The following NXPE2 variants were observed in gnomAD, a reference collection of about 807,000 sequenced individuals.
The protein encoded by NXPE2 is neurexophilin and PC-esterase domain family member 2, also known as NXPE family member 2.
Under a neutral mutation model 34.4 loss-of-function variants are expected in NXPE2, and 34 were observed. That is an observed-to-expected ratio of 0.99 (90% confidence interval 0.75 to 1.31). The LOEUF (loss-of-function observed/expected upper bound fraction) is 1.31. Ranked by LOEUF, NXPE2 falls within the 40% of genes most tolerant of loss-of-function variation. The probability of loss-of-function intolerance (pLI) is 0.00; values close to 1 mark genes in which losing one functional copy is unlikely to be tolerated. For synonymous variants in NXPE2, 235 were observed against 231.3 expected (o/e 1.02, Z -0.15); for missense variants, 649 against 672.5 (o/e 0.97, Z 0.39).
At chr11:114,468,564 A>AG in the NXPE2 span, among the ~76,000 whole-genome samples, 1 of 152,154 alleles carries the variant, frequency 6.6e-6, no homozygotes, top group Non-Finnish European at 1.5e-5. Flanking sequence ...TTTGCCCCCC[A>AG]GGGGACATTT....
chr11:114,583,120 T>A, the NXPE2 span: 1 of 1,268,580 alleles, frequency 7.9e-7, no homozygotes, highest in Non-Finnish European at 1.1e-6. Context: ...AACATGTTCC[T>A]AGTCATTTTT....
At chr11:114,613,942 T>C in the NXPE2 span, among the ~76,000 whole-genome samples, 1 of 148,824 alleles carries the variant, frequency 6.7e-6, no homozygotes, top group Non-Finnish European at 1.5e-5. Context: ...GTATTGCCTC[T>C]AGGGTAATCA....
the NXPE2 span, among the ~76,000 whole-genome samples, chr11:114,614,835 G>C: frequency 6.6e-6 from 1 of 151,954 alleles, no homozygotes; most frequent in Admixed American, 6.6e-5. Context: ...TTATCTGGTG[G>C]ATAACAAGTG....
At chr11:114,811,675 G>T in the NXPE2 span, among the ~76,000 whole-genome samples, 1 of 152,162 alleles carries the variant, frequency 6.6e-6, no homozygotes, top group African/African-American at 2.4e-5. Context: ...ACACTCAAGG[G>T]TGCTGAGAGG....
the NXPE2 span, among the ~76,000 whole-genome samples, chr11:114,786,917 C>T: frequency 6.6e-6 from 1 of 152,148 alleles, no homozygotes; most frequent in South Asian, 2.1e-4. Flanking sequence ...ACCCACATTG[C>T]ACTCTGGTCC....
At chr11:114,473,617 G>A in the NXPE2 span, among the ~76,000 whole-genome samples, 2 of 152,172 alleles carry the variant, frequency 1.3e-5, no homozygotes, top group African/African-American at 4.8e-5. Context: ...ACAAAGCTAT[G>A]TTTTGTATTA....
At chr11:114,796,564 T>TAATAG in the NXPE2 span, among the ~76,000 whole-genome samples, 1 of 152,302 alleles carries the variant, frequency 6.6e-6, no homozygotes, top group South Asian at 2.1e-4. Context: ...CAATATGTAA[T>TAATAG]AATAGTAAAC....
chr11:114,557,146 A>G, the NXPE2 span, among the ~76,000 whole-genome samples: 5 of 152,198 alleles, frequency 3.3e-5, no homozygotes, highest in East Asian at 9.7e-4. Flanking sequence ...TGCGTGCCTC[A>G]GCCTCCCAAA....
chr11:114,538,345 G>A, the NXPE2 span, among the ~76,000 whole-genome samples: 1 of 152,068 alleles, frequency 6.6e-6, no homozygotes, highest in South Asian at 2.1e-4. Context: ...AACCTAGGCA[G>A]TACCATTCAG....
At chr11:114,653,473 G>A in the NXPE2 span, among the ~76,000 whole-genome samples, 5 of 151,248 alleles carry the variant, frequency 3.3e-5, no homozygotes, top group African/African-American at 1.2e-4. Context: ...TAACCCTTGG[G>A]TGCTTGTACT....
the NXPE2 span, among the ~76,000 whole-genome samples, chr11:114,654,104 G>A: frequency 6.6e-6 from 1 of 152,146 alleles, no homozygotes; most frequent in Admixed American, 6.6e-5. Flanking sequence ...AGGAGATGAA[G>A]TTGGAAAGTA....
At chr11:114,609,626 G>A in the NXPE2 span, among the ~76,000 whole-genome samples, 7 of 150,992 alleles carry the variant, frequency 4.6e-5, no homozygotes, top group Non-Finnish European at 4.4e-5. Flanking sequence ...ATGCTTACCC[G>A]ATGGATAATA....
chr11:114,631,103 G>T, the NXPE2 span, among the ~76,000 whole-genome samples: 1 of 151,938 alleles, frequency 6.6e-6, no homozygotes, highest in Non-Finnish European at 1.5e-5. Context: ...AATCATTGTG[G>T]AAGTCAGTGT....
chr11:114,645,701 G>A, the NXPE2 span, among the ~76,000 whole-genome samples: 1 of 151,866 alleles, frequency 6.6e-6, no homozygotes, highest in African/African-American at 2.4e-5. Flanking sequence ...GAAAAATGAA[G>A]AAAAGACATG....
At chr11:114,665,208 A>G in the NXPE2 span, among the ~76,000 whole-genome samples, 1 of 152,172 alleles carries the variant, frequency 6.6e-6, no homozygotes, top group Non-Finnish European at 1.5e-5. Context: ...AGTAATATCT[A>G]TTTAAGATAA....
the NXPE2 span, among the ~76,000 whole-genome samples, chr11:114,645,141 A>C: frequency 6.6e-6 from 1 of 151,990 alleles, no homozygotes; most frequent in Non-Finnish European, 1.5e-5. Context: ...ATCTTTACTA[A>C]AAATACAAAA....
the NXPE2 span, among the ~76,000 whole-genome samples, chr11:114,631,607 GGC>G: frequency 6.6e-6 from 1 of 151,844 alleles, no homozygotes; most frequent in African/African-American, 2.4e-5. Context: ...GCACCAGCAT[GGC>G]ACATGTATAC....
chr11:114,493,687 GTTA>G, the NXPE2 span, among the ~76,000 whole-genome samples: 3 of 151,878 alleles, frequency 2.0e-5, no homozygotes, highest in African/African-American at 4.8e-5. Flanking sequence ...AAAAGTTGTA[GTTA>G]TTATTTTTTA....
At chr11:114,664,071 C>T in the NXPE2 span, among the ~76,000 whole-genome samples, 13 of 152,194 alleles carry the variant, frequency 8.5e-5, no homozygotes, top group African/African-American at 2.4e-4. Context: ...AAAGTTTATA[C>T]GTGATTATTT....
Sources: gnomAD v4.1 joint callset for allele counts (sites outside exome capture counted in the v4.1 genomes callset) on GRCh38, gnomAD v4.1.1 for gene constraint, MANE v1.5 for transcripts, NCBI Gene and HGNC (gene_info 2026-07-23, HGNC 2026-07-21) for gene names.